Variants in ERC2 observed in about 807,000 individuals in gnomAD.
ERC2 encodes ERC protein 2.
Under a neutral mutation model 114.8 loss-of-function variants are expected in ERC2, and 42 were observed. That is an observed-to-expected ratio of 0.37 (90% CI 0.29 to 0.47). The LOEUF (loss-of-function observed/expected upper bound fraction) is 0.47, where lower values mean the gene tolerates loss of function less well. Among genes scored for constraint, ERC2 ranks in the 20% least tolerant of loss-of-function variants. The pLI is 0.99. For missense variants in ERC2, 939 were observed against 1,150.7 expected (o/e 0.82, Z 2.66); for synonymous variants, 454 against 425.5 (o/e 1.07, Z -0.82).
intron 7 of ERC2, among the ~76,000 whole-genome samples, chr3:56,053,297 A>G (rs1343382335): frequency 6.6e-6 from 1 of 152,166 alleles, no homozygotes; most frequent in African/African-American, 2.4e-5. Flanking sequence ...AAGAGGTGTA[A>G]GTGAGCAGTA....
Position 55,588,258 on chromosome 3 carries a change from TCCCCAACCCCTCCTTCCAG to T in ERC2, c.*40-77001_*40-76983del, listed in dbSNP as rs1162391793. On this transcript the variant is annotated intron_variant, in intron 17 of 17. Coordinates refer to ENST00000288221, the MANE Select transcript of ERC2 (RefSeq NM_015576.3). ...AGCCCAGAAGTAATGATGTTCACAGTCCCCAACCCCTCCTTCCAGCCCCAACCCCTCCTTCCAACCAGGG... is the reference window on the plus strand; with the variant it reads ...AGCCCAGAAGTAATGATGTTCACAGTCCCCAACCCCTCCTTCCAACCAGGG... Among the ~76,000 whole-genome samples, 12 of 151,948 alleles carry T rather than the reference TCCCCAACCCCTCCTTCCAG, an allele frequency of 7.9e-5. No homozygotes were observed. The East Asian group carries it at 1.7e-3, about 22-fold the overall frequency.
chr3:55,845,844 G>A lies in ERC2; in HGVS notation c.2564+42545C>T, dbSNP rs142646989. On this transcript the variant is annotated intron_variant, in intron 14 of 17. Transcript: ENST00000288221. Reference sequence around the variant, plus strand: ...AAGGCAGCCATGTACACCAAAGGTTGTGCAAATAGAGCAAGCAACTGATGA... The same window carrying A: ...AAGGCAGCCATGTACACCAAAGGTTATGCAAATAGAGCAAGCAACTGATGA... 4.5e-3 allele frequency among the ~76,000 whole-genome samples: 682 copies of A among 152,344 alleles called. 2 individuals are homozygous for A. Among genetic ancestry groups the A allele is most frequent in the African/African-American group, 0.016 (650 of 41,582 alleles).
At chr3:55,516,136 A>G (rs1302350657) in intron 17 of ERC2, among the ~76,000 whole-genome samples, 24 of 152,104 alleles carry the variant, frequency 1.6e-4, no homozygotes, top group Admixed American at 1.6e-3. Flanking sequence ...ACTAATTAAC[A>G]ACGGTTGGAG....
At chr3:55,988,044 G>A (rs2070769199) in intron 11 of ERC2, among the ~76,000 whole-genome samples, 1 of 152,260 alleles carries the variant, frequency 6.6e-6, no homozygotes, top group African/African-American at 2.4e-5. Flanking sequence ...GAAATATAGT[G>A]GCAGCAGGTC....
rs2056958043 is a variant in ERC2, at chr3:56,318,172, A to G, written c.658-21737T>C. Among the ~76,000 whole-genome samples the G allele has an allele frequency of 7.2e-5, 11 of 152,166 alleles. No homozygotes were observed. In the South Asian group the frequency reaches 1.9e-3, roughly 26 times the overall value. ...AGATAATTTTATGTTTTAGATTATC[A>G]TTAAAATGTATGTCTGTCTCTCTCC... On this transcript the variant is annotated intron_variant, in intron 2 of 17. Coordinates refer to ENST00000288221, the MANE Select transcript of ERC2 (RefSeq NM_015576.3).
At chr3:56,330,246 C>T (rs2057549795) in intron 2 of ERC2, among the ~76,000 whole-genome samples, 1 of 152,050 alleles carries the variant, frequency 6.6e-6, no homozygotes, top group Non-Finnish European at 1.5e-5. Flanking sequence ...GCTATGTTGC[C>T]CACACTGGTC....
intron 15 of ERC2, among the ~76,000 whole-genome samples, chr3:55,710,990 C>T (rs1576254794): frequency 6.6e-6 from 1 of 152,220 alleles, no homozygotes; most frequent in East Asian, 1.9e-4. Flanking sequence ...CCCTGGCCGT[C>T]TTCTCATTTG....
chr3:55,885,984 A>T lies in ERC2; in HGVS notation c.2564+2405T>A, dbSNP rs530839480. The stretch of plus-strand genomic sequence containing the variant: ...TTACTTGTTCTCTCAAAATGTTGAA[A>T]GTATACGCTCCTTTTATAAACAGGA... On this transcript the variant is annotated intron_variant, in intron 14 of 17. Transcript: ENST00000288221. Among the ~76,000 whole-genome samples, 26 of 152,348 alleles carry T rather than the reference A, an allele frequency of 1.7e-4. No individual in the cohort carries two copies. In the South Asian group the frequency reaches 5.0e-3, roughly 29 times the overall value.
At chr3:56,399,529 C>T (rs2060442244) in intron 2 of ERC2, among the ~76,000 whole-genome samples, 1 of 152,106 alleles carries the variant, frequency 6.6e-6, no homozygotes, top group Admixed American at 6.6e-5. Flanking sequence ...TAAAACTTCA[C>T]TAATAAATTA....
At chr3:56,081,573 G>T (rs2077233759) in intron 6 of ERC2, among the ~76,000 whole-genome samples, 1 of 150,844 alleles carries the variant, frequency 6.6e-6, no homozygotes, top group South Asian at 2.1e-4. Context: ...GAAAAAAAAA[G>T]AAAAAGACAA....
At chr3:56,206,694 A>G (rs530698186) in intron 3 of ERC2, among the ~76,000 whole-genome samples, 2 of 152,222 alleles carry the variant, frequency 1.3e-5, no homozygotes, top group Non-Finnish European at 2.9e-5. Context: ...ACACACACAC[A>G]TCCCAGATTA....
chr3:55,598,675 G>T (rs1383882469), intron 17 of ERC2, among the ~76,000 whole-genome samples: 1 of 152,240 alleles, frequency 6.6e-6, no homozygotes, highest in Non-Finnish European at 1.5e-5. Flanking sequence ...CTTTGAATCT[G>T]ATTAAATCCA....
chr3:56,024,451 G>A (rs867611846), intron 7 of ERC2, among the ~76,000 whole-genome samples: 6 of 152,164 alleles, frequency 3.9e-5, no homozygotes, highest in Admixed American at 6.5e-5. Context: ...ACTGACCCCC[G>A]GACAACACCA....
At chr3:56,239,288 G>A (rs1323949320) in intron 3 of ERC2, among the ~76,000 whole-genome samples, 1 of 151,624 alleles carries the variant, frequency 6.6e-6, no homozygotes, top group Admixed American at 6.6e-5. Context: ...AGGCCGAGGC[G>A]GGCAGGTTGC....
intron 17 of ERC2, among the ~76,000 whole-genome samples, chr3:55,655,798 A>G (rs1379682716): frequency 1.3e-5 from 2 of 152,264 alleles, no homozygotes; most frequent in African/African-American, 4.8e-5. Context: ...TCATCCCAGG[A>G]TGCAAAAATA....
At chr3:56,237,576 T>C (rs2051035382) in intron 3 of ERC2, among the ~76,000 whole-genome samples, 1 of 152,180 alleles carries the variant, frequency 6.6e-6, no homozygotes, top group Non-Finnish European at 1.5e-5. Context: ...AGAAATGCAT[T>C]TAAGAACATA....
chr3:56,234,684 G>A (rs1037012572), intron 3 of ERC2, among the ~76,000 whole-genome samples: 1 of 152,136 alleles, frequency 6.6e-6, no homozygotes, highest in African/African-American at 2.4e-5. Context: ...AAGATTGAGG[G>A]GCCAGCATCT....
At chr3:56,023,555 C>T (rs2073857388) in intron 7 of ERC2, among the ~76,000 whole-genome samples, 1 of 152,122 alleles carries the variant, frequency 6.6e-6, no homozygotes, top group Non-Finnish European at 1.5e-5. Flanking sequence ...TTGCCTCCTT[C>T]AGGACTCCTT....
chr3:55,623,969 A>C (rs2059415824), intron 17 of ERC2, among the ~76,000 whole-genome samples: 1 of 152,244 alleles, frequency 6.6e-6, no homozygotes, highest in South Asian at 2.1e-4. Context: ...GGGAATTTCC[A>C]GTCTTGCTTC....
Sources: allele counts gnomAD v4.1 joint callset (sites outside exome capture counted in the v4.1 genomes callset), GRCh38; gene constraint gnomAD v4.1.1; transcripts MANE v1.5; gene names NCBI Gene and HGNC (gene_info 2026-07-23, HGNC 2026-07-21).